LRRTM4: variants seen among roughly 807,000 people sequenced by gnomAD.
The protein encoded by LRRTM4 is leucine-rich repeat transmembrane neuronal protein 4.
In LRRTM4, 25 loss-of-function variants were observed where a neutral mutation model predicts 47.6. The ratio of observed to expected loss-of-function variants is 0.53; its 90% CI spans 0.38 to 0.73. The LOEUF is 0.73. LRRTM4 is among the 30% of genes least tolerant of loss of function. The pLI, the probability that LRRTM4 is intolerant of heterozygous loss-of-function variation, is 0.00. For missense variants in LRRTM4, 638 were observed against 713.4 expected (o/e 0.89, Z 1.20); for synonymous variants, 311 against 269.5 (o/e 1.15, Z -1.51).
At chr2:77,444,466 C>G (rs145676455) in intron 3 of LRRTM4, among the ~76,000 whole-genome samples, 1 of 151,980 alleles carries the variant, frequency 6.6e-6, no homozygotes, top group South Asian at 2.1e-4. Context: ...GAAGGACACA[C>G]GACAGGCTGA....
At chr2:76,913,557 T>TTTTTTTTTTTTTTTTTTTTAA in intron 3 of LRRTM4, among the ~76,000 whole-genome samples, 1 of 150,304 alleles carries the variant, frequency 6.7e-6, no homozygotes, top group Non-Finnish European at 1.5e-5. Context: ...TTTTTTTTTT[T>TTTTTTTTTTTTTTTTTTTTAA]GAGACAGAGT....
chr2:77,499,545 G>A (rs183519707), intron 3 of LRRTM4, among the ~76,000 whole-genome samples: 6 of 151,992 alleles, frequency 3.9e-5, no homozygotes, highest in Admixed American at 1.3e-4. Context: ...AATGATTTTA[G>A]TTCCTCACTC....
intron 3 of LRRTM4, among the ~76,000 whole-genome samples, chr2:77,490,719 A>C (rs1441242056): frequency 6.6e-6 from 1 of 152,172 alleles, no homozygotes; most frequent in Non-Finnish European, 1.5e-5. Context: ...AAAGCATCTC[A>C]CATCAACTGC....
At chr2:77,154,238 T>C (rs1213310503) in intron 3 of LRRTM4, among the ~76,000 whole-genome samples, 1 of 152,218 alleles carries the variant, frequency 6.6e-6, no homozygotes, top group Non-Finnish European at 1.5e-5. Context: ...TGGCTAAATA[T>C]GCTCTGTAGT....
At chr2:76,852,114 C>T (rs902247432) in intron 3 of LRRTM4, among the ~76,000 whole-genome samples, 12 of 152,080 alleles carry the variant, frequency 7.9e-5, no homozygotes, top group African/African-American at 2.9e-4. Context: ...ATTTCACCTG[C>T]ATTATTGAAT....
intron 3 of LRRTM4, among the ~76,000 whole-genome samples, chr2:76,789,608 C>T (rs1674864068): frequency 6.6e-6 from 1 of 152,128 alleles, no homozygotes; most frequent in Non-Finnish European, 1.5e-5. Flanking sequence ...TTAGTGTGAA[C>T]ATATTTCTTC....
intron 3 of LRRTM4, among the ~76,000 whole-genome samples, chr2:77,038,464 ATAAAG>A (rs1209774147): frequency 6.6e-6 from 1 of 151,654 alleles, no homozygotes; most frequent in Non-Finnish European, 1.5e-5. Flanking sequence ...TAGAAAAATT[ATAAAG>A]TACTGTTCAG....
intron 3 of LRRTM4, among the ~76,000 whole-genome samples, chr2:77,093,698 G>A (rs531790368): frequency 3.3e-5 from 5 of 152,036 alleles, no homozygotes; most frequent in Non-Finnish European, 5.9e-5. Flanking sequence ...CCAAGCCATC[G>A]CATCCCCTGT....
chr2:77,362,662 T>C (rs1032079853), intron 3 of LRRTM4, among the ~76,000 whole-genome samples: 24 of 152,178 alleles, frequency 1.6e-4, no homozygotes, highest in African/African-American at 5.6e-4. Context: ...TAATGGGAAG[T>C]AAAATCTGAC....
rs904471787 is a variant in LRRTM4 at position 76,775,848 on chromosome 2, C to A, written c.1552-26932G>T. 2.6e-5 allele frequency among the ~76,000 whole-genome samples: 4 copies of A among 152,048 alleles called. No individual in the cohort carries two copies. In the East Asian group the frequency reaches 5.8e-4, roughly 22 times the overall value. On this transcript the variant is annotated intron_variant, in intron 3 of 3. Coordinates refer to ENST00000409884, the MANE Select transcript of LRRTM4 (RefSeq NM_001134745.3). The stretch of plus-strand genomic sequence containing the variant: ...TGTATACATGTGCCATGCTGGTGCG[C>A]TGCACCCACTAACTCGTCATCTAGC...
chr2:77,040,126 T>G (rs577557440), intron 3 of LRRTM4, among the ~76,000 whole-genome samples: 1 of 151,336 alleles, frequency 6.6e-6, no homozygotes, highest in African/African-American at 2.4e-5. Flanking sequence ...TGGATTTCAT[T>G]GTAGTCCAAA....
intron 3 of LRRTM4, among the ~76,000 whole-genome samples, chr2:77,319,280 G>T (rs929670988): frequency 6.6e-6 from 1 of 152,022 alleles, no homozygotes; most frequent in African/African-American, 2.4e-5. Context: ...CCAGCTACTA[G>T]GGAGGTTGAG....
At chr2:77,185,382 G>T (rs757233352) in intron 3 of LRRTM4, among the ~76,000 whole-genome samples, 2 of 152,036 alleles carry the variant, frequency 1.3e-5, no homozygotes, top group Non-Finnish European at 2.9e-5. Flanking sequence ...GTCATATTTT[G>T]GTCTCCATCC....
At chr2:76,777,574 G>T (rs1398465494) in intron 3 of LRRTM4, among the ~76,000 whole-genome samples, 13 of 143,494 alleles carry the variant, frequency 9.1e-5, no homozygotes, top group Non-Finnish European at 1.8e-4. Flanking sequence ...TGTTGTTGGT[G>T]TATAAGAATG....
chr2:76,823,670 A>T (rs1671113974), intron 3 of LRRTM4, among the ~76,000 whole-genome samples: 1 of 151,468 alleles, frequency 6.6e-6, no homozygotes, highest in South Asian at 2.1e-4. Context: ...ATTGAGAATG[A>T]GAGTCAAGTT....
chr2:77,050,180 C>A (rs1215899168), intron 3 of LRRTM4, among the ~76,000 whole-genome samples: 1 of 122,790 alleles, frequency 8.1e-6, no homozygotes, highest in Admixed American at 9.4e-5. Flanking sequence ...GCAATACAAT[C>A]AGGGAATTTT....
chr2:77,488,351 C>A (rs144160692), intron 3 of LRRTM4, among the ~76,000 whole-genome samples: 70 of 152,292 alleles, frequency 4.6e-4, no homozygotes, highest in African/African-American at 1.6e-3. Context: ...TGGTTGTGTG[C>A]GGCAGCTGGA....
chr2:77,316,472 T>C (rs1194976907), intron 3 of LRRTM4, among the ~76,000 whole-genome samples: 1 of 152,114 alleles, frequency 6.6e-6, no homozygotes, highest in Non-Finnish European at 1.5e-5. Context: ...TAAATGTCTC[T>C]ACAGAGCTGG....
intron 3 of LRRTM4, among the ~76,000 whole-genome samples, chr2:77,105,234 G>A (rs940843426): frequency 2.0e-5 from 3 of 151,968 alleles, no homozygotes; most frequent in African/African-American, 7.3e-5. Flanking sequence ...AAACAGCAAC[G>A]TCTGGAGATT....
Sources: allele counts gnomAD v4.1 joint callset (sites outside exome capture counted in the v4.1 genomes callset), GRCh38; gene constraint gnomAD v4.1.1; transcripts MANE v1.5; gene names NCBI Gene and HGNC (gene_info 2026-07-23, HGNC 2026-07-21).